ZFYVE28: variants seen among roughly 807,000 people sequenced by gnomAD.
ZFYVE28 encodes the protein lateral signaling target protein 2 homolog.
ZFYVE28 carries 40 observed loss-of-function variants against 82.1 expected under a neutral mutation model. That is an observed-to-expected ratio of 0.49 (90% CI 0.38 to 0.63). The LOEUF (loss-of-function observed/expected upper bound fraction) is 0.63, where lower values mean the gene tolerates loss of function less well. ZFYVE28 is among the 30% of genes least tolerant of loss of function. The pLI, the probability that ZFYVE28 is intolerant of heterozygous loss-of-function variation, is 0.00. For synonymous variants in ZFYVE28, 612 were observed against 546.1 expected (o/e 1.12, Z -1.68); for missense variants, 1,321 against 1,242.1 (o/e 1.06, Z -0.96).
intron 1 of ZFYVE28, among the ~76,000 whole-genome samples, chr4:2,398,183 G>T (rs1015799028): frequency 6.6e-5 from 10 of 152,224 alleles, no homozygotes; most frequent in African/African-American, 2.2e-4. Flanking sequence ...TGGATGGCCT[G>T]GCTCCACAGG....
rs1222197736 is a variant in ZFYVE28, at chr4:2,394,097, A to G, written c.39+24188T>C. The stretch of plus-strand genomic sequence containing the variant: ...AGAGCCAGCGGCATTGCACGTCTAC[A>G]GCCTTCTTCCCAGGCCCAGCTCCTC... On this transcript the variant is annotated intron_variant, in intron 1 of 12. Coordinates refer to ENST00000290974, the MANE Select transcript of ZFYVE28 (RefSeq NM_020972.3). The surrounding 1 kb of genome is among the most constrained non-coding windows in gnomAD (Gnocchi z 4.0). Among the ~76,000 whole-genome samples, 2 of 152,138 alleles carry G rather than the reference A, an allele frequency of 1.3e-5. No individual in the cohort carries two copies. Among genetic ancestry groups the G allele is most frequent in the African/African-American group, 4.8e-5 (2 of 41,430 alleles).
intron 1 of ZFYVE28, among the ~76,000 whole-genome samples, chr4:2,404,672 A>G (rs950751637): frequency 1.3e-5 from 2 of 152,200 alleles, no homozygotes; most frequent in African/African-American, 4.8e-5. Context: ...TCCAGGGGCC[A>G]GAGGCAGGGT....
In ZFYVE28 at chr4:2,304,327, G is replaced by A. The variant is rs61737215; in HGVS notation, c.2013C>T (p.Pro671=). ...PEARELHAGS[P]SAHEAPQALS... ...GGGCCTGAGGCGCCTCGTGAGCCGA[G>A]GGGCTCCCAGCATGCAGCTCTCTGG... The change falls in exon 8 of 13, where the codon CCC becomes CCT. Residue 671 remains proline, a synonymous_variant. Transcript: ENST00000290974. The A allele has an allele frequency of 1.7e-4, 269 of 1,602,692 alleles. No homozygotes were observed. Among genetic ancestry groups the A allele is most frequent in the African/African-American group, 1.4e-3 (107 of 74,924 alleles).
At chr4:2,287,927 C>T (rs1713011828) in intron 8 of ZFYVE28, among the ~76,000 whole-genome samples, 1 of 152,168 alleles carries the variant, frequency 6.6e-6, no homozygotes, top group Non-Finnish European at 1.5e-5. Flanking sequence ...TAGCTATTTT[C>T]CCATCTCCTC....
intron 1 of ZFYVE28, among the ~76,000 whole-genome samples, chr4:2,384,152 C>G (rs1439699862): frequency 6.6e-6 from 1 of 152,148 alleles, no homozygotes; most frequent in Non-Finnish European, 1.5e-5. Flanking sequence ...AGGGAAGAGG[C>G]CCCCGGGACT....
intron 1 of ZFYVE28, among the ~76,000 whole-genome samples, chr4:2,393,036 T>C (rs1409830635): frequency 6.6e-6 from 1 of 152,218 alleles, no homozygotes; most frequent in Non-Finnish European, 1.5e-5. Context: ...AGGAATTGGA[T>C]TCACAAAGCT....
At chr4:2,330,513 G>A (rs1003080832) in intron 6 of ZFYVE28, 1 of 1,142,220 alleles carries the variant, frequency 8.8e-7, no homozygotes, top group Non-Finnish European at 1.1e-6. Flanking sequence ...GGAGCACAGG[G>A]GAGAGGACAT....
At chr4:2,295,364 T>C (rs1714390008) in intron 8 of ZFYVE28, among the ~76,000 whole-genome samples, 1 of 150,902 alleles carries the variant, frequency 6.6e-6, no homozygotes, top group Admixed American at 6.6e-5. Context: ...AAAGACGGGG[T>C]TTTACCATGT....
intron 8 of ZFYVE28, among the ~76,000 whole-genome samples, chr4:2,280,965 T>C (rs913279618): frequency 1.3e-5 from 2 of 152,232 alleles, no homozygotes; most frequent in African/African-American, 2.4e-5. Context: ...CAATGGCTTC[T>C]ACCAGCAGGT....
rs1048754925 is a variant in ZFYVE28, at chr4:2,409,324, C to G, written c.39+8961G>C. Among the ~76,000 whole-genome samples, 15 of 152,088 alleles carry G rather than the reference C, an allele frequency of 9.9e-5. No homozygotes were observed. The highest frequency in any genetic ancestry group is 3.1e-4 in the African/African-American group (13 of 41,460). Reference sequence around the variant, plus strand: ...CTCTCGCTGGAATCCCCGCCACCCACCAGTCCCAGCTTCCAATCTCGTCTC... The same window carrying G: ...CTCTCGCTGGAATCCCCGCCACCCAGCAGTCCCAGCTTCCAATCTCGTCTC... On this transcript the variant is annotated intron_variant, in intron 1 of 12. Coordinates refer to ENST00000290974, the MANE Select transcript of ZFYVE28 (RefSeq NM_020972.3). The surrounding 1 kb of genome is among the most constrained non-coding windows in gnomAD (Gnocchi z 4.4).
chr4:2,272,443 C>A (rs1470722686), intron 10 of ZFYVE28, among the ~76,000 whole-genome samples: 1 of 152,228 alleles, frequency 6.6e-6, no homozygotes, highest in East Asian at 1.9e-4. Context: ...GGCCAGACTC[C>A]CTGTGCCTAA....
At chr4:2,314,691 A>T (rs545510491) in intron 7 of ZFYVE28, among the ~76,000 whole-genome samples, 1 of 152,304 alleles carries the variant, frequency 6.6e-6, no homozygotes, top group Admixed American at 6.5e-5. Context: ...GAATTTTAGT[A>T]CTATGTACAA....
chr4:2,270,720 C>G lies in ZFYVE28; in HGVS notation c.*5G>C. On this transcript the variant is annotated 3_prime_UTR_variant, in exon 13 of 13. Transcript: ENST00000290974. ...GGGTGGGTTGGGGCTGCCCCTGGCA[C>G]CACGTCACAGGCCGGCCTTGTCGCT... The G allele has an allele frequency of 6.2e-7, 1 of 1,613,012 alleles. No homozygotes were observed. The highest frequency in any genetic ancestry group is 1.1e-5 in the South Asian group (1 of 91,050).
At chr4:2,343,742 G>A (rs1009419687) in intron 2 of ZFYVE28, among the ~76,000 whole-genome samples, 2 of 151,964 alleles carry the variant, frequency 1.3e-5, no homozygotes, top group African/African-American at 4.8e-5. Flanking sequence ...AGGCTGAGGA[G>A]CTTTTAGTGC....
intron 1 of ZFYVE28, among the ~76,000 whole-genome samples, chr4:2,365,237 G>A (rs1009532204): frequency 6.6e-6 from 1 of 152,082 alleles, no homozygotes; most frequent in South Asian, 2.1e-4. Flanking sequence ...GTTCGAGAGC[G>A]CAGTGCGCGG....
chr4:2,365,944 C>T (rs999140103), intron 1 of ZFYVE28, among the ~76,000 whole-genome samples: 1 of 152,210 alleles, frequency 6.6e-6, no homozygotes, highest in African/African-American at 2.4e-5. Flanking sequence ...AGAGCACGGC[C>T]CCTGCCCCCT....
intron 1 of ZFYVE28, among the ~76,000 whole-genome samples, chr4:2,383,892 C>G (rs1728977827): frequency 6.6e-6 from 1 of 152,194 alleles, no homozygotes; most frequent in Non-Finnish European, 1.5e-5. Flanking sequence ...TCTCCAGGAG[C>G]CATTCTTTCA....
In ZFYVE28 at chr4:2,408,410, T is replaced by C. The variant is rs1412673423; in HGVS notation, c.39+9875A>G. Reference sequence around the variant, plus strand: ...ACTGTGGAGGTGATGCCATGTGACTTCCAGGCTGGGCCTCAGGATCACCTT... The same window carrying C: ...ACTGTGGAGGTGATGCCATGTGACTCCCAGGCTGGGCCTCAGGATCACCTT... On this transcript the variant is annotated intron_variant, in intron 1 of 12. Coordinates refer to ENST00000290974, the MANE Select transcript of ZFYVE28 (RefSeq NM_020972.3). This position sits in a 1 kb window ranked among gnomAD's most constrained non-coding sequence, Gnocchi z 4.3. Among the ~76,000 whole-genome samples the C allele has an allele frequency of 6.6e-6, 1 of 151,346 alleles. No homozygotes were observed. Among genetic ancestry groups the C allele is most frequent in the African/African-American group, 2.4e-5 (1 of 41,088 alleles).
At chr4:2,328,063 A>T (rs1720136471) in intron 6 of ZFYVE28, among the ~76,000 whole-genome samples, 1 of 152,194 alleles carries the variant, frequency 6.6e-6, no homozygotes, top group South Asian at 2.1e-4. Context: ...CTGGGTATTT[A>T]CCCCAAACAT....
Sources: gnomAD v4.1 joint callset for allele counts (sites outside exome capture counted in the v4.1 genomes callset) on GRCh38, gnomAD v4.1.1 for gene constraint, Gnocchi (gnomAD v3.1) non-coding constraint, MANE v1.5 for transcripts, NCBI Gene and HGNC (gene_info 2026-07-23, HGNC 2026-07-21) for gene names.